Variants in SLCO4A1 observed in about 807,000 individuals in gnomAD.
SLCO4A1 encodes the protein colon organic anion transporter.
A neutral mutation model predicts 64.6 loss-of-function variants in SLCO4A1; 51 were observed. The observed-to-expected ratio is 0.79, with a 90% confidence interval of 0.63 to 1.00. The LOEUF is 1.00. Ranked by LOEUF, SLCO4A1 falls within the 50% of genes least tolerant of loss-of-function variation. The pLI is 0.00. For missense variants in SLCO4A1, 919 were observed against 980.5 expected (o/e 0.94, Z 0.84); for synonymous variants, 471 against 444.9 (o/e 1.06, Z -0.74).
At chr20:62,670,275 C>T (rs1273774916) in intron 11 of SLCO4A1, 1 of 152,254 alleles carries the variant, frequency 6.6e-6, no homozygotes, top group East Asian at 1.9e-4. Context: ...AGCCCAAAGG[C>T]ACATGAGCAT....
intron 1 of SLCO4A1, among the ~76,000 whole-genome samples, chr20:62,648,624 T>G (rs1981855166): frequency 6.6e-6 from 1 of 152,218 alleles, no homozygotes; most frequent in African/African-American, 2.4e-5. Flanking sequence ...TGGACCCTCC[T>G]CCCGTGATGG....
intron 1 of SLCO4A1, among the ~76,000 whole-genome samples, chr20:62,652,389 C>T (rs1982715725): frequency 6.6e-6 from 1 of 152,054 alleles, no homozygotes; most frequent in Non-Finnish European, 1.5e-5. Flanking sequence ...CTCCTCCGGG[C>T]CTCTGAGGTT....
chr20:62,689,819 A>T (rs1022431740), downstream of SLCO4A1, among the ~76,000 whole-genome samples: 2 of 152,090 alleles, frequency 1.3e-5, no homozygotes, highest in African/African-American at 2.4e-5. Flanking sequence ...ACCCCACTCC[A>T]TGTGTGGGAC....
rs1569146520 is a variant in SLCO4A1 at position 62,668,548 on chromosome 20, T to C, written c.1876+7T>C. ...ATTGTAGTTAGAATACTAGGTACTG[T>C]GCAGTGTGAGGAAGCCATGGTCAGT... On this transcript the variant is annotated splice_region_variant and intron_variant, in intron 10 of 11. Coordinates refer to ENST00000217159, the MANE Select transcript of SLCO4A1 (RefSeq NM_016354.4). 1 of 1,611,736 alleles carries C rather than the reference T, an allele frequency of 6.2e-7. No homozygotes were observed.
chr20:62,664,985 C>T lies in SLCO4A1; in HGVS notation c.1173C>T (p.Ala391=), dbSNP rs760130941. Residue 391 remains alanine, a synonymous_variant, in exon 6 of 12, where the codon GCC becomes GCT. Coordinates refer to ENST00000217159, the MANE Select transcript of SLCO4A1 (RefSeq NM_016354.4). ...CCACGTTCATCCTGCTCTGCCTGGC[C>T]GGGGCCACCGAGGCCACTCTCATCA... The part of the protein sequence containing the change: ...KNPTFILLCL[A]GATEATLITG... 8 of 1,613,656 alleles carry T rather than the reference C, an allele frequency of 5.0e-6. No homozygotes were observed. Among genetic ancestry groups the T allele is most frequent in the Middle Eastern group, 1.6e-4 (1 of 6,080 alleles).
At chr20:62,667,580 G>A (rs985804551) in intron 7 of SLCO4A1, 165 bp from the exon 8 acceptor site, 13 of 741,600 alleles carry the variant, frequency 1.8e-5, no homozygotes, top group Admixed American at 1.3e-4. Context: ...AGAAGGCAGT[G>A]CCCAGTGTGA....
In SLCO4A1 at chr20:62,668,294, C is replaced by T. The variant is rs78015101; in HGVS notation, c.1811+110C>T. The T allele has an allele frequency of 2.9e-4, 394 of 1,362,920 alleles. 2 individuals carry two copies. In the East Asian group the frequency reaches 7.3e-3, roughly 25 times the overall value. 84.4% of individuals were successfully genotyped at this position (1,362,920 alleles called of 1,614,324 possible). On this transcript the variant is annotated intron_variant, in intron 9 of 11. Coordinates refer to ENST00000217159, the MANE Select transcript of SLCO4A1 (RefSeq NM_016354.4). Reference sequence around the variant, plus strand: ...ACTCCAGGAAACACCCAGGTCTAAGCGGGCCTGTCTGTCACTGGTGGCAGG... The same window carrying T: ...ACTCCAGGAAACACCCAGGTCTAAGTGGGCCTGTCTGTCACTGGTGGCAGG...
At chr20:62,650,710 C>T (rs1209093845) in intron 1 of SLCO4A1, 2 of 152,144 alleles carry the variant, frequency 1.3e-5, no homozygotes, top group Non-Finnish European at 2.9e-5. Flanking sequence ...AGGATGGGGG[C>T]GCTGGCTGCC....
At chr20:62,667,599 C>A in intron 7 of SLCO4A1, 146 bp from the exon 8 acceptor site, 1 of 900,296 alleles carries the variant, frequency 1.1e-6, no homozygotes, top group Non-Finnish European at 1.7e-6. Flanking sequence ...GAGTGCCCAG[C>A]GTGCTGGGGG....
chr20:62,657,354 AC>A, intron 2 of SLCO4A1, 104 bp downstream of exon 2: 3 of 1,104,778 alleles, frequency 2.7e-6, no homozygotes, highest in Non-Finnish European at 3.8e-6. Flanking sequence ...GCCTTCGTGT[AC>A]CCCTTGTCTG....
At chr20:62,682,863 G>A (rs1158644114) in intron 2 of SLCO4A1, among the ~76,000 whole-genome samples, 2 of 152,312 alleles carry the variant, frequency 1.3e-5, no homozygotes, top group South Asian at 2.1e-4. Flanking sequence ...AGGGTTAACC[G>A]CTGCACCTGT....
rs1981111062 is a variant in SLCO4A1 at position 62,645,333 on chromosome 20, G to A, written c.-97+2780G>A. Among the ~76,000 whole-genome samples the A allele has an allele frequency of 6.6e-6, 1 of 152,198 alleles. No individual in the cohort carries two copies. Among genetic ancestry groups the A allele is most frequent in the African/African-American group, 2.4e-5 (1 of 41,562 alleles). On this transcript the variant is annotated intron_variant, in intron 1 of 11. Coordinates refer to ENST00000217159, the MANE Select transcript of SLCO4A1 (RefSeq NM_016354.4). This position sits in a 1 kb window ranked among gnomAD's most constrained non-coding sequence, Gnocchi z 4.2. Reference sequence around the variant, plus strand: ...TGCTGGGACAACAGACTCTGGGCGTGTCCTCCTGTGGGCCTCTGCAGAGGA... The same window carrying A: ...TGCTGGGACAACAGACTCTGGGCGTATCCTCCTGTGGGCCTCTGCAGAGGA...
downstream of SLCO4A1, chr20:62,672,381 T>A (rs372293912): frequency 5.4e-6 from 4 of 739,528 alleles, no homozygotes. Flanking sequence ...GTCAGCCCTG[T>A]GGAATCCGTG....
chr20:62,653,429 G>A (rs1982988252), intron 1 of SLCO4A1, among the ~76,000 whole-genome samples: 1 of 152,250 alleles, frequency 6.6e-6, no homozygotes, highest in Non-Finnish European at 1.5e-5. Context: ...CTTCACAGAT[G>A]AAGTTGCCCC....
rs780195936 is a variant in SLCO4A1 at position 62,669,093 on chromosome 20, G to A, written c.2025+15G>A. The A allele has an allele frequency of 4.4e-6, 7 of 1,606,450 alleles. No individual in the cohort carries two copies. The Admixed American group carries it at 1.2e-4, about 27-fold the overall frequency. On this transcript the variant is annotated intron_variant, in intron 11 of 11. Coordinates refer to ENST00000217159, the MANE Select transcript of SLCO4A1 (RefSeq NM_016354.4). ...TCCTGTACAAGGTAAGCAGGCCCAG[G>A]GAGGGGACAGAGGGTCTGCTCTGAG...
At chr20:62,653,018 C>T (rs548307119) in intron 1 of SLCO4A1, among the ~76,000 whole-genome samples, 74 of 152,360 alleles carry the variant, frequency 4.9e-4, no homozygotes, top group African/African-American at 1.7e-3. Flanking sequence ...TGACTGACCC[C>T]CCTGGGCCTT....
downstream of SLCO4A1, among the ~76,000 whole-genome samples, chr20:62,687,469 G>A (rs144995910): frequency 1.3e-3 from 204 of 152,374 alleles, 1 homozygote; most frequent in African/African-American, 4.8e-3. Flanking sequence ...TCATCCGGGC[G>A]GGATGCAGAG....
chr20:62,656,162 G>A (rs747058073), intron 1 of SLCO4A1, among the ~76,000 whole-genome samples, 197 bp from the exon 2 acceptor site: 45 of 152,232 alleles, frequency 3.0e-4, no homozygotes, highest in Non-Finnish European at 1.3e-4. Flanking sequence ...CCACCTTTCC[G>A]CAGCGGAGCT....
chr20:62,642,952 C>T (rs1176657339), intron 1 of SLCO4A1: 3 of 467,032 alleles, frequency 6.4e-6, no homozygotes, highest in Non-Finnish European at 4.4e-6. Context: ...GGCGCAGGCC[C>T]CACAGATCCA....
Sources: allele counts gnomAD v4.1 joint callset (sites outside exome capture counted in the v4.1 genomes callset), GRCh38; gene constraint gnomAD v4.1.1; non-coding constraint Gnocchi (gnomAD v3.1); transcripts MANE v1.5; gene names NCBI Gene and HGNC (gene_info 2026-07-23, HGNC 2026-07-21).